COL20A1: variants seen among roughly 807,000 people sequenced by gnomAD.
COL20A1 encodes collagen type XX alpha 1 chain, also known as collagen alpha-1(XX) chain.
A neutral mutation model predicts 152.9 loss-of-function variants in COL20A1; 164 were observed. The ratio of observed to expected loss-of-function variants is 1.07; its 90% CI spans 0.94 to 1.22. The LOEUF is 1.22. Ranked by LOEUF, COL20A1 falls within the 50% of genes most tolerant of loss-of-function variation. The pLI is 0.00. For missense variants in COL20A1, 1,873 were observed against 1,744.8 expected (o/e 1.07, Z -1.31); for synonymous variants, 864 against 756.0 (o/e 1.14, Z -2.34).
In COL20A1 at chr20:63,327,614, C is replaced by CGGGCGCG. The variant is rs2068270801; in HGVS notation, c.3529-334_3529-333insGCGGGGC. On this transcript the variant is annotated intron_variant, in intron 31 of 35. Transcript: ENST00000358894. Reference sequence around the variant, plus strand: ...GGGAAGTGCCAGCACAGGCCTGACCCGGGCCCGGGGCCCGGGAGGGGTCTG... The same window carrying CGGGCGCG: ...GGGAAGTGCCAGCACAGGCCTGACCCGGGCGCGGGGCCCGGGGCCCGGGAGGGGTCTG... The CGGGCGCG allele has an allele frequency of 8.8e-6, 3 of 341,656 alleles. No homozygotes were observed. The South Asian group carries it at 1.0e-4, about 12-fold the overall frequency. The allele number at this position is 341,656 out of a possible 1,614,324, so 21.2% of individuals were successfully genotyped here.
At chr20:63,328,263 C>T (rs929071466) in intron 33 of COL20A1, 68 bp from the exon 34 acceptor site, 156 of 1,558,808 alleles carry the variant, frequency 1.0e-4, no homozygotes, top group Non-Finnish European at 1.3e-4. Flanking sequence ...GGTGTCCTGG[C>T]GTGGCCTGCA....
At position 63,325,423 on chromosome 20, in the gene COL20A1, C is replaced by T. The variant is rs199605490; in HGVS notation, c.3295-18C>T. The T allele has an allele frequency of 3.1e-6, 5 of 1,604,156 alleles. No homozygotes were observed. The African/African-American group carries it at 4.0e-5, about 13-fold the overall frequency. On this transcript the variant is annotated intron_variant, in intron 27 of 35. Transcript: ENST00000358894. ...GTGCCCCCTCCGCTTCGCTGTCCAGCCCATCTTCCCCCTCCAGGGTCCACC... is the reference window on the plus strand; with the variant it reads ...GTGCCCCCTCCGCTTCGCTGTCCAGTCCATCTTCCCCCTCCAGGGTCCACC...
At chr20:63,302,612 C>T (rs540656650) in intron 3 of COL20A1, among the ~76,000 whole-genome samples, 6 of 152,222 alleles carry the variant, frequency 3.9e-5, no homozygotes, top group South Asian at 4.1e-4. Flanking sequence ...TGAGTCACCG[C>T]GCCTGGTCTT....
chr20:63,319,562 A>T lies in COL20A1; in HGVS notation c.2882A>T (p.Glu961Val), dbSNP rs2068131115. The part of the protein sequence containing the change: ...ALQEATFDPQ[E>V]VRKIFFGSFH... ...CAGGAGGCCACCTTCGACCCGCAGG[A>T]AGTGAGGAAGATTTTCTTCGGGAGC... The change falls in exon 23 of 36, where the codon GAA becomes GTA. Residue 961 changes from glutamate (E) to valine (V), a missense_variant. By Grantham distance (121) the Glu-to-Val change is moderately radical. Coordinates refer to ENST00000358894, the MANE Select transcript of COL20A1 (RefSeq NM_020882.4). This position sits in a 1 kb window ranked among gnomAD's most constrained non-coding sequence, Gnocchi z 4.4. The T allele has an allele frequency of 2.5e-6, 4 of 1,594,562 alleles. No individual in the cohort carries two copies. The highest frequency in any genetic ancestry group is 1.3e-5 in the African/African-American group (1 of 74,432).
At chr20:63,316,383 C>A (rs960144044) in intron 20 of COL20A1, among the ~76,000 whole-genome samples, 170 bp from the exon 21 acceptor site, 1 of 148,746 alleles carries the variant, frequency 6.7e-6, no homozygotes, top group East Asian at 2.0e-4. Context: ...CAGACCCCTG[C>A]CCACCCCCCA....
intron 9 of COL20A1, 61 bp downstream of exon 9, chr20:63,309,558 G>T: frequency 1.4e-6 from 2 of 1,411,914 alleles, no homozygotes; most frequent in Non-Finnish European, 1.9e-6. Context: ...GCAAAGGGTT[G>T]GGGGGACGCT....
At chr20:63,310,826 G>C (rs6011727) in intron 11 of COL20A1, among the ~76,000 whole-genome samples, 4 of 151,988 alleles carry the variant, frequency 2.6e-5, no homozygotes, top group Non-Finnish European at 5.9e-5. Flanking sequence ...TAGCTCGCTG[G>C]GTTCTTGGAC....
At chr20:63,297,791 C>T (rs2123372221) in intron 2 of COL20A1, 119 bp from the exon 3 acceptor site, 3 of 724,676 alleles carry the variant, frequency 4.1e-6, no homozygotes, top group Admixed American at 2.7e-5. Flanking sequence ...TCTTCGGGGT[C>T]CCCCGGGATA....
At position 63,327,979 on chromosome 20, in the gene COL20A1, G is replaced by A. The variant is rs1280329052; in HGVS notation, c.3556G>A (p.Gly1186Arg). ...ACTGCCAGGGCCCAAAGGGGAACGA[G>A]GAGAGAAGGTAAGTGAGGCTGAGAT... ...TGLPGPKGER[G>R]EKGEPQSLAT... Residue 1186 changes from glycine (G) to arginine (R), a missense_variant, in exon 32 of 36, where the codon GGA becomes AGA. By Grantham distance (125) the Gly-to-Arg change is moderately radical. Transcript: ENST00000358894. 3.1e-6 allele frequency: 5 copies of A among 1,607,864 alleles called. No homozygotes were observed. In the Admixed American group the frequency reaches 6.8e-5, roughly 22 times the overall value.
rs372380023 is a variant in COL20A1 at position 63,314,106 on chromosome 20, T to C, written c.2393T>C (p.Leu798Pro). ...CCAGGAGCCAGGAGCCACGTGACAC[T>C]GCCCGACCTGCAGGCAGCCACGAAG... Reference protein sequence around the residue: ...SVPGARSHVTLPDLQAATKYR... With the variant: ...SVPGARSHVTPPDLQAATKYR... The change falls in exon 19 of 36, where the codon CTG becomes CCG. Residue 798 changes from leucine (L) to proline (P), a missense_variant. Coordinates refer to ENST00000358894, the MANE Select transcript of COL20A1 (RefSeq NM_020882.4). 1.9e-6 allele frequency: 3 copies of C among 1,612,598 alleles called. No individual in the cohort carries two copies. The African/African-American group carries it at 4.0e-5, about 22-fold the overall frequency.
intron 34 of COL20A1, among the ~76,000 whole-genome samples, chr20:63,328,761 C>A (rs1400644072): frequency 2.6e-5 from 4 of 152,224 alleles, no homozygotes; most frequent in African/African-American, 7.2e-5. Context: ...GAAACATGAG[C>A]TGCCTGCTTA....
In COL20A1 at chr20:63,310,379, AGGT is replaced by A; in HGVS notation, c.1271_1273del (p.Val424del). 1 of 1,610,722 alleles carries A rather than the reference AGGT, an allele frequency of 6.2e-7. No individual in the cohort carries two copies. The highest frequency in any genetic ancestry group is 2.2e-5 in the East Asian group (1 of 44,834). ...GCTCCGTCCTTGCCCACTCTGTTCC[AGGT>A]GGTGGTGGAGGGACCCGCCGCCTCC... is the stretch of plus-strand genomic sequence containing the variant. On this transcript the variant is annotated splice_acceptor_variant and coding_sequence_variant, in exon 11 of 36. Transcript: ENST00000358894. LOFTEE classifies it high-confidence loss of function.
At position 63,307,659 on chromosome 20, in the gene COL20A1, G is replaced by A. The variant is rs764403922; in HGVS notation, c.655+11G>A. ...ATAAGGTCCAAGTAGGTGGGTGCTG[G>A]CCCGGCCCGCCTCCTGCCCCACCCG... On this transcript the variant is annotated intron_variant, in intron 6 of 35. Coordinates refer to ENST00000358894, the MANE Select transcript of COL20A1 (RefSeq NM_020882.4). 6.2e-6 allele frequency: 10 copies of A among 1,607,564 alleles called. No homozygotes were observed. The highest frequency in any genetic ancestry group is 5.5e-5 in the South Asian group (5 of 90,708).
chr20:63,326,176 A>G lies in COL20A1; in HGVS notation c.3456+27A>G, dbSNP rs775964921. On this transcript the variant is annotated intron_variant, in intron 30 of 35. Transcript: ENST00000358894. ...TAGGCACCGACCTCCCATGACCCCG[A>G]CCCCCACCCAGGGTTCCTGTGTTCC... The G allele has an allele frequency of 8.2e-6, 13 of 1,586,096 alleles. No individual in the cohort carries two copies. The South Asian group carries it at 1.1e-4, about 13-fold the overall frequency.
chr20:63,324,112 T>C (rs1307867821), intron 27 of COL20A1, among the ~76,000 whole-genome samples: 1 of 152,246 alleles, frequency 6.6e-6, no homozygotes, highest in Non-Finnish European at 1.5e-5. Context: ...GTTGCTATTA[T>C]AAGTGAGGTG....
At position 63,319,876 on chromosome 20, in the gene COL20A1, A is replaced by AGG. The variant is rs940231500; in HGVS notation, c.2917-157_2917-156dup. Among the ~76,000 whole-genome samples, 3 of 151,992 alleles carry AGG rather than the reference A, an allele frequency of 2.0e-5. No homozygotes were observed. The highest frequency in any genetic ancestry group is 7.2e-5 in the African/African-American group (3 of 41,400). On this transcript the variant is annotated intron_variant, in intron 23 of 35. Transcript: ENST00000358894. The surrounding 1 kb of genome is among the most constrained non-coding windows in gnomAD (Gnocchi z 4.4). ...ACAGAGGGGAAGCCGAGGCCCAGCA[A>AGG]GGGGGGGTTCTCCCAGGGTCCCCCG...
chr20:63,314,055 A>AC lies in COL20A1; in HGVS notation c.2359-14dup, dbSNP rs1348041100. The AC allele has an allele frequency of 1.9e-6, 3 of 1,612,082 alleles. No individual in the cohort carries two copies. The South Asian group carries it at 3.3e-5, about 18-fold the overall frequency. ...GTTGCCCAGGAAGTGGGGACCAGGC[A>AC]CCCTCCCTTCTCCTAGGTCTCTGTG... On this transcript the variant is annotated splice_polypyrimidine_tract_variant and intron_variant, in intron 18 of 35. Coordinates refer to ENST00000358894, the MANE Select transcript of COL20A1 (RefSeq NM_020882.4).
Position 63,305,631 on chromosome 20 carries a change from C to G in COL20A1, c.337+71C>G. The G allele has an allele frequency of 1.4e-6, 2 of 1,474,036 alleles. No individual in the cohort carries two copies. Among genetic ancestry groups the G allele is most frequent in the East Asian group, 4.8e-5 (2 of 41,764 alleles). The allele number at this position is 1,474,036 out of a possible 1,614,324, so 91.3% of individuals were successfully genotyped here. On this transcript the variant is annotated intron_variant, in intron 4 of 35. Coordinates refer to ENST00000358894, the MANE Select transcript of COL20A1 (RefSeq NM_020882.4). The surrounding 1 kb of genome is among the most constrained non-coding windows in gnomAD (Gnocchi z 4.9). ...GTCCCACCCTCCTCTGGGCTGGGGT[C>G]CCACCCTCCTCCAGGCTGCGTTCCA... is the stretch of plus-strand genomic sequence containing the variant.
intron 27 of COL20A1, among the ~76,000 whole-genome samples, chr20:63,322,392 G>A (rs1024347272): frequency 5.9e-5 from 9 of 152,218 alleles, no homozygotes; most frequent in African/African-American, 2.2e-4. Flanking sequence ...CCATGGCCCA[G>A]CAGGGGAATC....
Sources: allele counts gnomAD v4.1 joint callset (sites outside exome capture counted in the v4.1 genomes callset), GRCh38; gene constraint gnomAD v4.1.1; non-coding constraint Gnocchi (gnomAD v3.1); transcripts MANE v1.5; gene names NCBI Gene and HGNC (gene_info 2026-07-23, HGNC 2026-07-21).